The following RSBN1 variants were observed in gnomAD, a reference collection of about 807,000 sequenced individuals.
RSBN1 encodes the protein lysine-specific demethylase 9.
A neutral mutation model predicts 74.8 loss-of-function variants in RSBN1; 23 were observed. That is an observed-to-expected ratio of 0.31 (90% CI 0.22 to 0.44). The LOEUF is 0.44. Ranked by LOEUF, RSBN1 falls within the 20% of genes least tolerant of loss-of-function variation. The pLI is 1.00. For synonymous variants in RSBN1, 407 were observed against 379.6 expected (o/e 1.07, Z -0.84); for missense variants, 808 against 1,020.9 (o/e 0.79, Z 2.84).
At chr1:113,803,724 C>T (rs1439637024) in intron 1 of RSBN1, among the ~76,000 whole-genome samples, 1 of 129,924 alleles carries the variant, frequency 7.7e-6, no homozygotes, top group African/African-American at 3.1e-5. Context: ...TTAGATAGAC[C>T]TAAGTCAATG....
At chr1:113,775,489 G>A (rs1042940469) in intron 4 of RSBN1, among the ~76,000 whole-genome samples, 2 of 151,644 alleles carry the variant, frequency 1.3e-5, no homozygotes, top group African/African-American at 4.9e-5. Context: ...TTACAGGAGC[G>A]TGCCACCACA....
intron 2 of RSBN1, among the ~76,000 whole-genome samples, chr1:113,785,537 A>G (rs1278103389): frequency 6.6e-6 from 1 of 152,186 alleles, no homozygotes; most frequent in African/African-American, 2.4e-5. Context: ...ATTTTATGCC[A>G]CTGTACTCAA....
intron 1 of RSBN1, 86 bp downstream of exon 1, chr1:113,811,624 G>T (rs1660850000): frequency 2.0e-6 from 3 of 1,488,840 alleles, no homozygotes; most frequent in Non-Finnish European, 2.7e-6. Flanking sequence ...GTAAGCAGGG[G>T]TTTGGCGTCT....
chr1:113,798,614 G>A (rs548314386), intron 1 of RSBN1, among the ~76,000 whole-genome samples: 19 of 151,946 alleles, frequency 1.3e-4, no homozygotes, highest in South Asian at 1.0e-3. Flanking sequence ...CTTTCTGAAG[G>A]GCAATTTCAT....
rs761071332 is a variant in RSBN1 at position 113,797,326 on chromosome 1, C to T, written c.1377+37G>A. The T allele has an allele frequency of 6.1e-6, 8 of 1,303,576 alleles. No individual in the cohort carries two copies. The East Asian group carries it at 9.3e-5, about 15-fold the overall frequency. 80.8% of individuals were successfully genotyped at this position (1,303,576 alleles called of 1,614,324 possible). On this transcript the variant is annotated intron_variant, in intron 2 of 6. Transcript: ENST00000261441. ...GAAAGAGGTTAATTCTGTTTAGAAT[C>T]GTATTTACTAATTTTTAACAACAAT...
chr1:113,791,243 A>G (rs1165181675), intron 2 of RSBN1, among the ~76,000 whole-genome samples: 1 of 152,214 alleles, frequency 6.6e-6, no homozygotes, highest in Non-Finnish European at 1.5e-5. Context: ...TAAAAAAAAT[A>G]ATAGTTTTGC....
intron 1 of RSBN1, among the ~76,000 whole-genome samples, chr1:113,798,634 T>G (rs745666646): frequency 2.6e-5 from 4 of 152,164 alleles, no homozygotes; most frequent in African/African-American, 7.2e-5. Context: ...TGATACATGT[T>G]AAAAGTCTTA....
At position 113,761,884 on chromosome 1, in the gene RSBN1, A is replaced by C. The variant is rs1293984214; in HGVS notation, c.*4096T>G. 2.0e-5 allele frequency: 3 copies of C among 152,704 alleles called. No individual in the cohort carries two copies. Among genetic ancestry groups the C allele is most frequent in the African/African-American group, 7.2e-5 (3 of 41,450 alleles). 9.5% of individuals were successfully genotyped at this position (152,704 alleles called of 1,614,324 possible). A position where few individuals can be genotyped will look rare whatever the true frequency, so the allele number is the denominator to read the frequency against. On this transcript the variant is annotated 3_prime_UTR_variant, in exon 7 of 7. Transcript: ENST00000261441. ...AAAAAAATACTTTACAGGAAAAAAA[A>C]AAACTATGCATTCCATTGTCCTATT...
Position 113,811,698 on chromosome 1 carries a change from G to A in RSBN1, c.703+12C>T, listed in dbSNP as rs1488559211. ...ACCTAGAACCCAAGCCGGGCAGTTTGCCTGCTCTCACCTCTCTTGGGGGCT... is the reference window on the plus strand; with the variant it reads ...ACCTAGAACCCAAGCCGGGCAGTTTACCTGCTCTCACCTCTCTTGGGGGCT... On this transcript the variant is annotated intron_variant, in intron 1 of 6. Transcript: ENST00000261441. The A allele has an allele frequency of 6.4e-7, 1 of 1,565,084 alleles. No individual in the cohort carries two copies. Among genetic ancestry groups the A allele is most frequent in the Admixed American group, 1.8e-5 (1 of 54,810 alleles).
In RSBN1 at chr1:113,812,126, G is replaced by A. The variant is rs748091071; in HGVS notation, c.287C>T (p.Ser96Phe). The change falls in exon 1 of 7, where the codon TCT becomes TTT. Residue 96 changes from serine (S) to phenylalanine (F), a missense_variant. By Grantham distance (155) the Ser-to-Phe change is radical. Transcript: ENST00000261441. ...GCTCGGCCGCCCCCGCTTCTCCTGAGACCCCCCACTGCTAGATCGGCGCTG... is the reference window on the plus strand; with the variant it reads ...GCTCGGCCGCCCCCGCTTCTCCTGAAACCCCCCACTGCTAGATCGGCGCTG... ...KRQRRSSSGG[S>F]QEKRGRPSQE... 9.3e-6 allele frequency: 15 copies of A among 1,607,734 alleles called. No homozygotes were observed. The highest frequency in any genetic ancestry group is 1.3e-5 in the Non-Finnish European group (15 of 1,178,520).
At chr1:113,793,111 G>A (rs1660399739) in intron 2 of RSBN1, among the ~76,000 whole-genome samples, 1 of 152,150 alleles carries the variant, frequency 6.6e-6, no homozygotes, top group African/African-American at 2.4e-5. Flanking sequence ...GCTTAGAGGA[G>A]CTGAGTTCTA....
intron 1 of RSBN1, among the ~76,000 whole-genome samples, chr1:113,804,097 C>A (rs1012134706): frequency 7.2e-5 from 11 of 151,898 alleles, no homozygotes; most frequent in African/African-American, 2.2e-4. Context: ...TCACTACACT[C>A]CAGCCTGGGC....
At chr1:113,804,078 A>G (rs1036101181) in intron 1 of RSBN1, among the ~76,000 whole-genome samples, 1 of 152,054 alleles carries the variant, frequency 6.6e-6, no homozygotes, top group Non-Finnish European at 1.5e-5. Context: ...ACAGTGAGCT[A>G]TAATCACTTC....
At position 113,786,019 on chromosome 1, in the gene RSBN1, C is replaced by T. The variant is rs1351729838; in HGVS notation, c.1378-8211G>A. ...AGAGGGGCACAAAAAGTAAAGAGATCAGCTAGGAGTATTCTATAATATGCC... is the reference window on the plus strand; with the variant it reads ...AGAGGGGCACAAAAAGTAAAGAGATTAGCTAGGAGTATTCTATAATATGCC... On this transcript the variant is annotated intron_variant, in intron 2 of 6. Coordinates refer to ENST00000261441, the MANE Select transcript of RSBN1 (RefSeq NM_018364.5). Among the ~76,000 whole-genome samples the T allele has an allele frequency of 2.6e-5, 4 of 152,278 alleles. No individual in the cohort carries two copies. The East Asian group carries it at 7.7e-4, about 29-fold the overall frequency.
At chr1:113,783,087 A>G (rs1660167777) in intron 2 of RSBN1, among the ~76,000 whole-genome samples, 1 of 152,214 alleles carries the variant, frequency 6.6e-6, no homozygotes, top group Non-Finnish European at 1.5e-5. Context: ...GCCAACCCCC[A>G]ATTTAAACCA....
At chr1:113,787,197 T>A (rs1032836245) in intron 2 of RSBN1, among the ~76,000 whole-genome samples, 1 of 152,200 alleles carries the variant, frequency 6.6e-6, no homozygotes, top group Non-Finnish European at 1.5e-5. Context: ...ATAGGAAGAA[T>A]CTGATAAAGA....
In RSBN1 at chr1:113,776,213, T is replaced by A. The variant is rs193086167; in HGVS notation, c.1658+997A>T. ...AATACTGGTTACCTAGTATATGTCA[T>A]GAGGACAAAGATGAATAAAATAGTC... On this transcript the variant is annotated intron_variant, in intron 4 of 6. Transcript: ENST00000261441. Among the ~76,000 whole-genome samples, 21 of 152,340 alleles carry A rather than the reference T, an allele frequency of 1.4e-4. No individual in the cohort carries two copies. In the East Asian group the frequency reaches 3.5e-3, roughly 25 times the overall value.
chr1:113,812,110 C>T lies in RSBN1; in HGVS notation c.303G>A (p.Gly101=), dbSNP rs199947324. 3,359 of 1,600,496 alleles carry T rather than the reference C, an allele frequency of 2.1e-3. 6 individuals carry two copies. The highest frequency in any genetic ancestry group is 2.6e-3 in the Non-Finnish European group (3,014 of 1,174,258). Residue 101 remains glycine, a synonymous_variant, in exon 1 of 7, where the codon GGG becomes GGA. Transcript: ENST00000261441. ...SSSGGSQEKR[G]RPSQEPPLAP... ...CGAGAGGGGGCTCCTGGCTCGGCCG[C>T]CCCCGCTTCTCCTGAGACCCCCCAC...
rs1347302960 is a variant in RSBN1, at chr1:113,812,208, C to T, written c.205G>A (p.Asp69Asn). Residue 69 changes from aspartate (D) to asparagine (N), a missense_variant, in exon 1 of 7, where the codon GAC (aspartate) becomes AAC (asparagine). Coordinates refer to ENST00000261441, the MANE Select transcript of RSBN1 (RefSeq NM_018364.5). ...VRAVAAQEEP[D>N]KEGKEKPHAG... ...TGAGGTTTCTCCTTCCCCTCTTTGT[C>T]CGGCTCCTCCTGCGCCGCCACCGCC... 1 of 1,607,722 alleles carries T rather than the reference C, an allele frequency of 6.2e-7. No individual in the cohort carries two copies. Among genetic ancestry groups the T allele is most frequent in the African/African-American group, 1.3e-5 (1 of 74,874 alleles).
Sources: allele counts gnomAD v4.1 joint callset (sites outside exome capture counted in the v4.1 genomes callset), GRCh38; gene constraint gnomAD v4.1.1; transcripts MANE v1.5; gene names NCBI Gene and HGNC (gene_info 2026-07-23, HGNC 2026-07-21).